The following FADS2 variants were observed in gnomAD, a reference collection of about 807,000 sequenced individuals.
The protein encoded by FADS2 is fatty acid desaturase 2, also known as acyl-CoA 6-desaturase.
A neutral mutation model predicts 61.2 loss-of-function variants in FADS2; 18 were observed. That is an observed-to-expected ratio of 0.29 (90% CI 0.20 to 0.44). The LOEUF is 0.44. FADS2 is among the 20% of genes least tolerant of loss of function. FADS2 has a pLI of 1.00. For synonymous variants in FADS2, 203 were observed against 223.9 expected, an observed-to-expected ratio of 0.91 and a Z score of 0.83; for missense variants, 322 against 572.7, an observed-to-expected ratio of 0.56 and a Z score of 4.47.
At chr11:61,836,139 C>A (rs1330807127) in intron 1 of FADS2, among the ~76,000 whole-genome samples, 1 of 152,182 alleles carries the variant, frequency 6.6e-6, no homozygotes, top group Non-Finnish European at 1.5e-5. Flanking sequence ...ACTCTGTCGC[C>A]CAGGCTGGAG....
chr11:61,855,802 T>C (rs1010981076), intron 5 of FADS2: 1 of 152,350 alleles, frequency 6.6e-6, no homozygotes, highest in African/African-American at 2.4e-5. Context: ...CCAAGGTCCC[T>C]TCCCTCTGTA....
chr11:61,824,411 A>G (rs2067054963), upstream of FADS2, among the ~76,000 whole-genome samples: 1 of 8,652 alleles, frequency 1.2e-4, no homozygotes, highest in Non-Finnish European at 3.4e-4. Context: ...AGAGAGAGAG[A>G]GAGAGAGAGA....
chr11:61,859,757 C>T (rs1344684386), intron 7 of FADS2, among the ~76,000 whole-genome samples: 4 of 137,566 alleles, frequency 2.9e-5, no homozygotes, highest in Admixed American at 1.4e-4. Flanking sequence ...GAGGCCGAGG[C>T]GGGCAGATCA....
chr11:61,857,367 C>A, intron 6 of FADS2, 87 bp from the exon 7 acceptor site: 1 of 1,226,148 alleles, frequency 8.2e-7, no homozygotes, highest in Non-Finnish European at 1.2e-6. Context: ...CTGGCCCCTG[C>A]ACTCAGTGCT....
intron 1 of FADS2, among the ~76,000 whole-genome samples, chr11:61,821,096 C>A (rs556332995): frequency 6.6e-6 from 1 of 152,298 alleles, no homozygotes; most frequent in Middle Eastern, 3.4e-3. Context: ...GCCTTGCAGG[C>A]CCTGTTGATC....
intron 1 of FADS2, among the ~76,000 whole-genome samples, chr11:61,834,231 A>G (rs2067152120): frequency 6.6e-6 from 1 of 152,354 alleles, no homozygotes; most frequent in Non-Finnish European, 1.5e-5. Context: ...GAAAGCTGCC[A>G]CACTGACCAT....
intron 1 of FADS2, among the ~76,000 whole-genome samples, chr11:61,830,055 G>A (rs537246841): frequency 6.6e-6 from 1 of 152,352 alleles, no homozygotes; most frequent in Non-Finnish European, 1.5e-5. Flanking sequence ...TAGAACTTAG[G>A]TGGGTATGTT....
chr11:61,822,640 T>G (rs777856282), intron 1 of FADS2, among the ~76,000 whole-genome samples: 18 of 152,158 alleles, frequency 1.2e-4, no homozygotes, highest in Admixed American at 7.2e-4. Context: ...GGGTCTGGAG[T>G]CCTCTAGGCG....
At chr11:61,841,649 G>C (rs907941176) in intron 4 of FADS2, among the ~76,000 whole-genome samples, 3 of 151,842 alleles carry the variant, frequency 2.0e-5, no homozygotes, top group African/African-American at 7.3e-5. Context: ...TGTTTTTGGT[G>C]CCCCCATTCT....
chr11:61,862,945 T>A (rs1188496624), intron 7 of FADS2, 27 bp from the exon 8 acceptor site: 8 of 1,593,564 alleles, frequency 5.0e-6, no homozygotes, highest in Non-Finnish European at 6.0e-6. Context: ...GAGGGCAGGT[T>A]GCACCTAACT....
At chr11:61,859,596 G>C (rs1253934453) in intron 7 of FADS2, among the ~76,000 whole-genome samples, 1 of 152,188 alleles carries the variant, frequency 6.6e-6, no homozygotes, top group Non-Finnish European at 1.5e-5. Context: ...CATCCACCCA[G>C]TGGCTCAAGT....
At chr11:61,858,734 G>C (rs174603) in intron 7 of FADS2, among the ~76,000 whole-genome samples, 2 of 151,270 alleles carry the variant, frequency 1.3e-5, no homozygotes, top group Non-Finnish European at 2.9e-5. Flanking sequence ...TACAGGCGCC[G>C]GCCACCATGC....
At chr11:61,862,292 T>C (rs1253612687) in intron 7 of FADS2, 1 of 152,400 alleles carries the variant, frequency 6.6e-6, no homozygotes, top group African/African-American at 2.4e-5. Flanking sequence ...GGGAAGCTGA[T>C]GCTGTGGTCC....
rs748090471 is a variant in FADS2, at chr11:61,816,803, G to A, written c.141+377G>A. 6.7e-7 allele frequency: 1 copy of A among 1,499,786 alleles called. No individual in the cohort carries two copies. The allele number at this position is 1,499,786 out of a possible 1,614,324, so 92.9% of individuals were successfully genotyped here. On this transcript the variant is annotated intron_variant, in intron 1 of 11. Transcript: ENST00000257261. The surrounding 1 kb of genome is among the most constrained non-coding windows in gnomAD (Gnocchi z 7.0). ...CGCGCCGGGCCAGCAGGGGCTGTCA[G>A]GCGCGTGCTCGGGGTCCGCGGGCTC...
intron 7 of FADS2, among the ~76,000 whole-genome samples, chr11:61,860,245 C>T (rs576338179): frequency 5.3e-5 from 8 of 152,312 alleles, no homozygotes; most frequent in East Asian, 3.9e-4. Flanking sequence ...CCTGGAGAAC[C>T]GCCCATGACA....
chr11:61,860,116 C>T (rs2067400513), intron 7 of FADS2, among the ~76,000 whole-genome samples: 1 of 152,236 alleles, frequency 6.6e-6, no homozygotes, highest in African/African-American at 2.4e-5. Flanking sequence ...CTCAGGGGAG[C>T]TGTTCTGCCC....
intron 7 of FADS2, 153 bp from the exon 8 acceptor site, chr11:61,862,819 A>T (rs530865914): frequency 1.5e-6 from 1 of 650,430 alleles, no homozygotes; most frequent in Admixed American, 2.5e-5. Context: ...AACCCCGAGC[A>T]AGCAGGTGGC....
At chr11:61,852,873 G>A (rs919288531) in intron 5 of FADS2, among the ~76,000 whole-genome samples, 4 of 152,032 alleles carry the variant, frequency 2.6e-5, no homozygotes, top group Admixed American at 6.6e-5. Flanking sequence ...GTAGTCTCTC[G>A]GCCCAGCGTG....
At chr11:61,852,893 A>G (rs1405695161) in intron 5 of FADS2, among the ~76,000 whole-genome samples, 2 of 152,120 alleles carry the variant, frequency 1.3e-5, no homozygotes, top group Non-Finnish European at 2.9e-5. Context: ...GGTGGCTCAC[A>G]TCTGTAATCC....
Sources: gnomAD v4.1 joint callset for allele counts (sites outside exome capture counted in the v4.1 genomes callset) on GRCh38, gnomAD v4.1.1 for gene constraint, Gnocchi (gnomAD v3.1) non-coding constraint, MANE v1.5 for transcripts, NCBI Gene and HGNC (gene_info 2026-07-23, HGNC 2026-07-21) for gene names.